Variants in AHCYL2 observed in about 807,000 individuals in gnomAD.
The protein encoded by AHCYL2 is S-adenosylhomocysteine hydrolase-like protein 2.
AHCYL2 carries 28 observed loss-of-function variants against 81.4 expected under a neutral mutation model. That is an observed-to-expected ratio of 0.34 (90% CI 0.25 to 0.47). The LOEUF (loss-of-function observed/expected upper bound fraction) is 0.47. AHCYL2 is among the 20% of genes least tolerant of loss of function. AHCYL2 has a pLI of 1.00. For missense variants in AHCYL2, 551 were observed against 785.1 expected, an observed-to-expected ratio of 0.70 and a Z score of 3.56; for synonymous variants, 272 against 290.2, an observed-to-expected ratio of 0.94 and a Z score of 0.64.
intron 1 of AHCYL2, among the ~76,000 whole-genome samples, chr7:129,321,335 G>C (rs191936737): frequency 1.0e-3 from 156 of 152,284 alleles, no homozygotes; most frequent in Non-Finnish European, 1.7e-3. Context: ...AAAGCGTTCT[G>C]TTCTAGTCTT....
chr7:129,277,278 C>CGTTTTTTTTTTTTTTTTT (rs35753023), intron 1 of AHCYL2, among the ~76,000 whole-genome samples: 1 of 135,792 alleles, frequency 7.4e-6, no homozygotes, highest in African/African-American at 2.7e-5. Flanking sequence ...AAGTCTCTCT[C>CGTTTTTTTTTTTTTTTTT]TTTTTTTTTT....
chr7:129,232,943 A>G (rs1429153269), intron 1 of AHCYL2, among the ~76,000 whole-genome samples: 3 of 152,138 alleles, frequency 2.0e-5, no homozygotes, highest in Non-Finnish European at 4.4e-5. Flanking sequence ...GCCAGTGTTG[A>G]CTTCTGCTGC....
chr7:129,415,763 C>T (rs1796816173), intron 12 of AHCYL2, among the ~76,000 whole-genome samples: 1 of 152,018 alleles, frequency 6.6e-6, no homozygotes, highest in Non-Finnish European at 1.5e-5. Context: ...CCAGTCTAGG[C>T]AACATAGTGA....
At chr7:129,294,529 G>A (rs1198359127) in intron 1 of AHCYL2, among the ~76,000 whole-genome samples, 1 of 152,142 alleles carries the variant, frequency 6.6e-6, no homozygotes, top group Non-Finnish European at 1.5e-5. Flanking sequence ...TACAGCAATT[G>A]AAGCCAGTTA....
At chr7:129,253,617 A>G (rs145765284) in intron 1 of AHCYL2, among the ~76,000 whole-genome samples, 54 of 152,158 alleles carry the variant, frequency 3.5e-4, no homozygotes, top group African/African-American at 1.3e-3. Context: ...TTAAGAAATT[A>G]TTTTTTATTT....
At chr7:129,284,647 C>G (rs2150743523) in intron 1 of AHCYL2, among the ~76,000 whole-genome samples, 1 of 151,676 alleles carries the variant, frequency 6.6e-6, no homozygotes, top group Admixed American at 6.6e-5. Flanking sequence ...GGGGGCCATC[C>G]TGAGACAATG....
chr7:129,225,500 C>T (rs1409130378), intron 1 of AHCYL2, 61 bp downstream of exon 1: 4 of 1,426,860 alleles, frequency 2.8e-6, no homozygotes, highest in Admixed American at 2.9e-5. Flanking sequence ...TGCAGATCCT[C>T]TCGGCACGGC....
chr7:129,280,593 G>A lies in AHCYL2; in HGVS notation c.363+55154G>A, dbSNP rs768383917. On this transcript the variant is annotated intron_variant, in intron 1 of 16. Coordinates refer to ENST00000325006, the MANE Select transcript of AHCYL2 (RefSeq NM_015328.4). ...GTTTTACGACTCGCTTTCTAGTCTA[G>A]ATACTTTATAAGTTCTTATTTTATT... 3.4e-4 allele frequency among the ~76,000 whole-genome samples: 52 copies of A among 152,074 alleles called. 1 individual carries two copies. The highest frequency in any genetic ancestry group is 4.4e-5 in the Non-Finnish European group (3 of 68,018).
chr7:129,238,612 G>C (rs1794721882), intron 1 of AHCYL2, among the ~76,000 whole-genome samples: 1 of 152,160 alleles, frequency 6.6e-6, no homozygotes, highest in Non-Finnish European at 1.5e-5. Flanking sequence ...GTTTGAAGAG[G>C]TCAGCACTGA....
At chr7:129,255,140 A>G (rs1278791013) in intron 1 of AHCYL2, among the ~76,000 whole-genome samples, 5 of 152,130 alleles carry the variant, frequency 3.3e-5, no homozygotes, top group Non-Finnish European at 7.3e-5. Flanking sequence ...ACGTGCCTAT[A>G]ATACCAGCTA....
intron 1 of AHCYL2, among the ~76,000 whole-genome samples, chr7:129,277,215 A>C (rs967126249): frequency 6.6e-6 from 1 of 152,210 alleles, no homozygotes; most frequent in African/African-American, 2.4e-5. Context: ...CACATGTCTA[A>C]AACCATGAAA....
chr7:129,264,682 G>A (rs2896415), intron 1 of AHCYL2, among the ~76,000 whole-genome samples: 76,775 of 152,000 alleles, frequency 0.51, 22,013 homozygotes, highest in Non-Finnish European at 0.63. Flanking sequence ...GCTTAGCTGA[G>A]TTAGAATGGA....
intron 1 of AHCYL2, among the ~76,000 whole-genome samples, chr7:129,322,172 C>T (rs7781902): frequency 0.087 from 13,229 of 151,876 alleles, 1,107 homozygotes; most frequent in African/African-American, 0.22. Context: ...TGTTTGTTTG[C>T]CCTGTTACCC....
chr7:129,229,150 C>A (rs1203689189), intron 1 of AHCYL2, among the ~76,000 whole-genome samples: 1 of 151,888 alleles, frequency 6.6e-6, no homozygotes, highest in Non-Finnish European at 1.5e-5. Context: ...TCACCGCAAC[C>A]TCCGCCTCCC....
chr7:129,430,020 CAT>C lies in AHCYL2; in HGVS notation c.*2990_*2991del, dbSNP rs553787950. The C allele has an allele frequency of 0.019, 2,831 of 148,116 alleles. 73 individuals carry two copies. The highest frequency in any genetic ancestry group is 0.06 in the African/African-American group (2,416 of 40,480). The allele number at this position is 148,116 out of a possible 1,614,324, so 9.2% of individuals were successfully genotyped here. A position where few individuals can be genotyped will look rare whatever the true frequency, so the allele number is the denominator to read the frequency against. ...GGACAGGTTCTAAACTCTATATATA[CAT>C]ATATATATATATATCTATATATCTA... On this transcript the variant is annotated 3_prime_UTR_variant, in exon 17 of 17. Coordinates refer to ENST00000325006, the MANE Select transcript of AHCYL2 (RefSeq NM_015328.4).
chr7:129,380,060 A>G (rs1194096270), intron 2 of AHCYL2, among the ~76,000 whole-genome samples: 2 of 151,386 alleles, frequency 1.3e-5, no homozygotes, highest in Non-Finnish European at 2.9e-5. Context: ...ATGTGTATAT[A>G]CTTGTGGTCT....
intron 5 of AHCYL2, among the ~76,000 whole-genome samples, chr7:129,399,129 G>A (rs1485736623): frequency 5.0e-3 from 378 of 75,304 alleles, no homozygotes; most frequent in Middle Eastern, 0.045. Context: ...GTGACAGAGT[G>A]AGACTCCATC....
chr7:129,356,561 A>G (rs1236484749), intron 1 of AHCYL2, among the ~76,000 whole-genome samples: 2 of 152,224 alleles, frequency 1.3e-5, no homozygotes, highest in Admixed American at 1.3e-4. Flanking sequence ...TACAAAGGAA[A>G]GAAGTATTAG....
At chr7:129,319,325 C>T (rs1327023580) in intron 1 of AHCYL2, among the ~76,000 whole-genome samples, 1 of 151,936 alleles carries the variant, frequency 6.6e-6, no homozygotes, top group Non-Finnish European at 1.5e-5. Flanking sequence ...CCTGGTGGTG[C>T]CCACCTGTAA....
Sources: allele counts gnomAD v4.1 joint callset (sites outside exome capture counted in the v4.1 genomes callset), GRCh38; gene constraint gnomAD v4.1.1; transcripts MANE v1.5; gene names NCBI Gene and HGNC (gene_info 2026-07-23, HGNC 2026-07-21).